The following USP34 variants were observed in gnomAD, a reference collection of about 807,000 sequenced individuals.
USP34 encodes the protein ubiquitin carboxyl-terminal hydrolase 34.
A neutral mutation model predicts 460.3 loss-of-function variants in USP34; 70 were observed. That is an observed-to-expected ratio of 0.15 (90% CI 0.13 to 0.19). The LOEUF (loss-of-function observed/expected upper bound fraction) is 0.19. Ranked by LOEUF, USP34 falls within the 10% of genes least tolerant of loss-of-function variation. USP34 has a pLI of 1.00. For synonymous variants in USP34, 1,647 were observed against 1,405.3 expected, an observed-to-expected ratio of 1.17 and a Z score of -3.85; for missense variants, 3,985 against 4,236.2, an observed-to-expected ratio of 0.94 and a Z score of 1.65.
At chr2:61,433,110 A>C (rs1466083818) in intron 1 of USP34, among the ~76,000 whole-genome samples, 1 of 152,220 alleles carries the variant, frequency 6.6e-6, no homozygotes, top group East Asian at 1.9e-4. Context: ...CTAAGATCTG[A>C]CAGGTGTGTC....
chr2:61,275,637 C>G (rs1339997628), intron 41 of USP34, among the ~76,000 whole-genome samples: 2 of 149,744 alleles, frequency 1.3e-5, no homozygotes, highest in South Asian at 2.2e-4. Flanking sequence ...TTTAAATGAA[C>G]TGTTTATATA....
intron 41 of USP34, among the ~76,000 whole-genome samples, chr2:61,269,413 G>A (rs1163273918): frequency 6.7e-6 from 1 of 149,510 alleles, no homozygotes; most frequent in Non-Finnish European, 1.5e-5. Flanking sequence ...CAATCCTTTT[G>A]CCTCGACCTT....
chr2:61,257,829 C>G (rs1032326989), intron 44 of USP34, among the ~76,000 whole-genome samples: 8 of 152,118 alleles, frequency 5.3e-5, no homozygotes, highest in Non-Finnish European at 8.8e-5. Context: ...GAGCCGAGAT[C>G]GTGCCACTGC....
intron 22 of USP34, 130 bp downstream of exon 22, chr2:61,319,043 T>G (rs1690834761): frequency 1.2e-5 from 10 of 851,654 alleles, no homozygotes; most frequent in Non-Finnish European, 1.5e-5. Context: ...ATATTAGGAC[T>G]GCTAAAATTC....
intron 5 of USP34, among the ~76,000 whole-genome samples, chr2:61,388,262 A>G (rs1572993084): frequency 6.6e-6 from 1 of 151,978 alleles, no homozygotes. Flanking sequence ...ATAAAATCAC[A>G]ATGAGCTACT....
At chr2:61,337,399 CTTT>C (rs11306660) in intron 18 of USP34, among the ~76,000 whole-genome samples, 1 of 149,262 alleles carries the variant, frequency 6.7e-6, no homozygotes, top group Admixed American at 6.7e-5. Context: ...ATCCTTTCTA[CTTT>C]TTTTTTTTGC....
chr2:61,308,920 T>C (rs34857952), intron 27 of USP34, among the ~76,000 whole-genome samples: 7,582 of 152,182 alleles, frequency 0.05, 244 homozygotes, highest in Non-Finnish European at 0.077. Flanking sequence ...CACCCACCTG[T>C]AGCCCCAGCT....
At chr2:61,362,407 A>G (rs1008130632) in intron 10 of USP34, among the ~76,000 whole-genome samples, 13 of 152,312 alleles carry the variant, frequency 8.5e-5, no homozygotes, top group African/African-American at 3.1e-4. Context: ...AAAAAAAACT[A>G]AACATCTTTC....
At chr2:61,380,446 A>C in intron 6 of USP34, 85 bp from the exon 7 acceptor site, 1 of 1,382,408 alleles carries the variant, frequency 7.2e-7, no homozygotes, top group East Asian at 2.5e-5. Context: ...GTACATTGTA[A>C]GCATTAACAT....
chr2:61,201,635 T>C lies in USP34; in HGVS notation c.9508+1505A>G, dbSNP rs376209320. ...ATCACAAAAGCTGATTCAGCTGATGTGACGGCAAGTATTCTTTCCTTTCTT... is the reference window on the plus strand; with the variant it reads ...ATCACAAAAGCTGATTCAGCTGATGCGACGGCAAGTATTCTTTCCTTTCTT... On this transcript the variant is annotated intron_variant, in intron 75 of 79. Coordinates refer to ENST00000398571, the MANE Select transcript of USP34 (RefSeq NM_014709.4). Among the ~76,000 whole-genome samples, 105 of 152,338 alleles carry C rather than the reference T, an allele frequency of 6.9e-4. 2 individuals carry two copies. The East Asian group carries it at 9.4e-3, about 14-fold the overall frequency.
intron 2 of USP34, among the ~76,000 whole-genome samples, chr2:61,407,474 T>TATTATAATCTATTA (rs1693911390): frequency 3.3e-5 from 5 of 152,230 alleles, no homozygotes; most frequent in African/African-American, 1.2e-4. Context: ...ATTTATAATC[T>TATTATAATCTATTA]GCACCCAGTA....
In USP34 at chr2:61,265,385, G is replaced by C; in HGVS notation, c.5778+12C>G. The C allele has an allele frequency of 6.3e-7, 1 of 1,593,090 alleles. No homozygotes were observed. Among genetic ancestry groups the C allele is most frequent in the East Asian group, 2.3e-5 (1 of 43,856 alleles). On this transcript the variant is annotated intron_variant, in intron 43 of 79. Coordinates refer to ENST00000398571, the MANE Select transcript of USP34 (RefSeq NM_014709.4). ...TTTATAATTTTGATTTTTAAAGTGA[G>C]GAAAATTCTACCTTGGCAGTGAAGA...
chr2:61,206,089 T>C lies in USP34; in HGVS notation c.9082A>G (p.Ile3028Val). The C allele has an allele frequency of 1.2e-6, 2 of 1,613,812 alleles. No individual in the cohort carries two copies. Among genetic ancestry groups the C allele is most frequent in the Non-Finnish European group, 8.5e-7 (1 of 1,179,826 alleles). ...GTTAACAGTTTATGGGCAAATTCAA[T>C]TCGCTCCTGCCACTGGATTAATGCT... ...KQALIQWQER[I>V]EFAHKLLTLL... The change falls in exon 72 of 80, where the codon ATT becomes GTT. Residue 3028 changes from isoleucine to valine, a missense_variant. Ile to Val is a conservative substitution (Grantham distance 29, BLOSUM62 3). Transcript: ENST00000398571.
intron 69 of USP34, among the ~76,000 whole-genome samples, chr2:61,210,625 T>C (rs1001202929): frequency 2.0e-5 from 3 of 152,246 alleles, no homozygotes; most frequent in Non-Finnish European, 4.4e-5. Flanking sequence ...TCTTCTTTCA[T>C]TAGATACCAG....
In USP34 at chr2:61,256,457, T is replaced by C. The variant is rs1179337865; in HGVS notation, c.6148A>G (p.Ile2050Val). Residue 2050 changes from isoleucine (I) to valine (V), a missense_variant, in exon 48 of 80, where the codon ATA becomes GTA. Physicochemically the swap from Ile to Val is conservative, Grantham distance 29. Coordinates refer to ENST00000398571, the MANE Select transcript of USP34 (RefSeq NM_014709.4). ...TTATCACCTTCCAAAGTGTCTTTTA[T>C]AGTAACTTCATCAAGAGATTCCTGT... is the stretch of plus-strand genomic sequence containing the variant. ...NIYESLDEVTIKDTLEGDNMY... is the reference protein window; with the variant it reads ...NIYESLDEVTVKDTLEGDNMY... 4 of 1,608,702 alleles carry C rather than the reference T, an allele frequency of 2.5e-6. No individual in the cohort carries two copies. The Admixed American group carries it at 5.1e-5, about 21-fold the overall frequency.
In USP34 at chr2:61,221,463, A is replaced by G. The variant is rs546125071; in HGVS notation, c.7899+39T>C. 1.6e-5 allele frequency: 25 copies of G among 1,551,088 alleles called. No homozygotes were observed. The South Asian group carries it at 2.2e-4, about 14-fold the overall frequency. ...ACTATATTATAAAAATAAAATCCTC[A>G]GGAAAATAAACATTGAAAACACCTG... On this transcript the variant is annotated intron_variant, in intron 66 of 79. Transcript: ENST00000398571.
chr2:61,320,242 T>C (rs773327158), intron 21 of USP34, among the ~76,000 whole-genome samples: 58 of 152,190 alleles, frequency 3.8e-4, no homozygotes, highest in Non-Finnish European at 4.4e-4. Context: ...GGTGGCCAAA[T>C]CGTATCCCAG....
rs546976552 is a variant in USP34 at position 61,405,643 on chromosome 2, T to C, written c.552+65A>G. The C allele has an allele frequency of 5.7e-4, 790 of 1,385,648 alleles. 2 individuals are homozygous for C. The highest frequency in any genetic ancestry group is 9.5e-4 in the South Asian group (62 of 64,938). The allele number at this position is 1,385,648 out of a possible 1,614,324, so 85.8% of individuals were successfully genotyped here. A position where few individuals can be genotyped will look rare whatever the true frequency, so the allele number is the denominator to read the frequency against. ...AGAAAACTGTCTTCATATTTATCAGTAAGAAACAGACTGCGAAGTTAAGAC... is the reference window on the plus strand; with the variant it reads ...AGAAAACTGTCTTCATATTTATCAGCAAGAAACAGACTGCGAAGTTAAGAC... On this transcript the variant is annotated intron_variant, in intron 3 of 79. Transcript: ENST00000398571.
chr2:61,231,533 G>C lies in USP34; in HGVS notation c.7113+919C>G, dbSNP rs547650861. Among the ~76,000 whole-genome samples, 13 of 152,014 alleles carry C rather than the reference G, an allele frequency of 8.6e-5. 1 individual carries two copies. The highest frequency in any genetic ancestry group is 8.5e-4 in the Admixed American group (13 of 15,260). On this transcript the variant is annotated intron_variant, in intron 58 of 79. Coordinates refer to ENST00000398571, the MANE Select transcript of USP34 (RefSeq NM_014709.4). ...TTTGAGACCAGCCTAGGCAACAGGGGAGAGACACTCTCTCTACAAAAAAAT... is the reference window on the plus strand; with the variant it reads ...TTTGAGACCAGCCTAGGCAACAGGGCAGAGACACTCTCTCTACAAAAAAAT...
Sources: allele counts gnomAD v4.1 joint callset (sites outside exome capture counted in the v4.1 genomes callset), GRCh38; gene constraint gnomAD v4.1.1; transcripts MANE v1.5; gene names NCBI Gene and HGNC (gene_info 2026-07-23, HGNC 2026-07-21).